The following ARHGAP28 variants were observed in gnomAD, a reference collection of about 807,000 sequenced individuals.
ARHGAP28 encodes the protein rho GTPase-activating protein 28.
In ARHGAP28, 56 loss-of-function variants were observed where a neutral mutation model predicts 90.7. The observed-to-expected ratio is 0.62, with a 90% CI of 0.50 to 0.77. The LOEUF is 0.77. ARHGAP28 is among the 30% of genes least tolerant of loss of function. The pLI is 0.00. For missense variants in ARHGAP28, 869 were observed against 900.9 expected, an observed-to-expected ratio of 0.96 and a Z score of 0.45; for synonymous variants, 308 against 323.3, an observed-to-expected ratio of 0.95 and a Z score of 0.51.
intron 1 of ARHGAP28, among the ~76,000 whole-genome samples, chr18:6,730,745 A>G (rs2143090753): frequency 6.6e-6 from 1 of 152,338 alleles, no homozygotes; most frequent in Non-Finnish European, 1.5e-5. Flanking sequence ...ATGGTTAGAT[A>G]TTTGATACAT....
chr18:6,735,220 C>T lies in ARHGAP28; in HGVS notation c.122+5277C>T, dbSNP rs373821050. Among the ~76,000 whole-genome samples, 13 of 152,324 alleles carry T rather than the reference C, an allele frequency of 8.5e-5. 2 individuals carry two copies. Among genetic ancestry groups the T allele is most frequent in the South Asian group, 2.1e-4 (1 of 4,830 alleles). ...GTAGTCCAGAAAGTTTCTGCTTCTGCGTAACCTTTACCCAGATTCCCCAAA... is the reference window on the plus strand; with the variant it reads ...GTAGTCCAGAAAGTTTCTGCTTCTGTGTAACCTTTACCCAGATTCCCCAAA... On this transcript the variant is annotated intron_variant, in intron 1 of 17. Coordinates refer to ENST00000383472, the MANE Select transcript of ARHGAP28 (RefSeq NM_001366230.1).
At chr18:6,904,672 T>A (rs964831915) in intron 16 of ARHGAP28, among the ~76,000 whole-genome samples, 4 of 151,988 alleles carry the variant, frequency 2.6e-5, no homozygotes, top group African/African-American at 9.7e-5. Flanking sequence ...AACAATAAAA[T>A]TGATAAACTC....
intron 1 of ARHGAP28, among the ~76,000 whole-genome samples, chr18:6,732,512 T>C (rs371248058): frequency 2.8e-4 from 42 of 152,148 alleles, no homozygotes; most frequent in South Asian, 2.3e-3. Flanking sequence ...AAAAAAAAAT[T>C]GAAGGACCCA....
intron 3 of ARHGAP28, among the ~76,000 whole-genome samples, chr18:6,841,630 C>T (rs1017796217): frequency 2.0e-5 from 3 of 151,988 alleles, no homozygotes; most frequent in Non-Finnish European, 4.4e-5. Context: ...CTCAAAATCA[C>T]TTGACTTCAG....
chr18:6,818,514 C>A (rs2056606326), intron 1 of ARHGAP28, among the ~76,000 whole-genome samples: 1 of 151,858 alleles, frequency 6.6e-6, no homozygotes, highest in Non-Finnish European at 1.5e-5. Context: ...GGAAAATAGA[C>A]CCCCCCAAAA....
chr18:6,768,082 A>G (rs2056213744), intron 1 of ARHGAP28, among the ~76,000 whole-genome samples: 1 of 152,044 alleles, frequency 6.6e-6, no homozygotes, highest in African/African-American at 2.4e-5. Flanking sequence ...CAGTTGATTA[A>G]TGTGCTAATA....
intron 16 of ARHGAP28, 137 bp downstream of exon 16, chr18:6,896,763 G>A (rs752828874): frequency 6.8e-5 from 69 of 1,019,058 alleles, no homozygotes; most frequent in Non-Finnish European, 8.5e-5. Context: ...AGTGGATTAC[G>A]AGAATAAAAA....
chr18:6,730,091 C>T, intron 1 of ARHGAP28, 148 bp downstream of exon 1: 1 of 826,960 alleles, frequency 1.2e-6, no homozygotes, highest in Non-Finnish European at 1.7e-6. Context: ...GCCTGGGGTT[C>T]TTTGCATTGT....
intron 1 of ARHGAP28, among the ~76,000 whole-genome samples, chr18:6,807,470 T>C (rs2056527078): frequency 6.6e-6 from 1 of 152,212 alleles, no homozygotes; most frequent in African/African-American, 2.4e-5. Flanking sequence ...GAAAACTATT[T>C]GATCCTTTCA....
intron 1 of ARHGAP28, chr18:6,790,904 C>G (rs1357960569): frequency 6.6e-6 from 1 of 152,020 alleles, no homozygotes; most frequent in Non-Finnish European, 1.5e-5. Flanking sequence ...GTCTGTAGAT[C>G]CATTACTCAG....
intron 9 of ARHGAP28, 52 bp downstream of exon 9, chr18:6,873,827 T>A (rs747541199): frequency 6.8e-7 from 1 of 1,473,044 alleles, no homozygotes; most frequent in Admixed American, 1.8e-5. Flanking sequence ...TGCTTATGAT[T>A]TGGCACTTTG....
rs1396459979 is a variant in ARHGAP28 at position 6,898,342 on chromosome 18, A to G, written c.2030+1716A>G. The G allele has an allele frequency of 1.2e-5, 7 of 604,702 alleles. No homozygotes were observed. In the African/African-American group the frequency reaches 1.3e-4, roughly 12 times the overall value. The allele number at this position is 604,702 out of a possible 1,614,324, so 37.5% of individuals were successfully genotyped here. A position where few individuals can be genotyped will look rare whatever the true frequency, so the allele number is the denominator to read the frequency against. The stretch of plus-strand genomic sequence containing the variant: ...TATATGATGTGTTCACTTTGTGAAA[A>G]TTCATCAAGTTGTATACTTCTGACT... On this transcript the variant is annotated intron_variant, in intron 16 of 17. Transcript: ENST00000383472.
intron 16 of ARHGAP28, among the ~76,000 whole-genome samples, chr18:6,907,436 G>T (rs936724814): frequency 1.3e-5 from 2 of 150,440 alleles, no homozygotes; most frequent in African/African-American, 4.9e-5. Flanking sequence ...ACAGGTGAGT[G>T]ACTACAGAAA....
intron 11 of ARHGAP28, among the ~76,000 whole-genome samples, chr18:6,886,144 A>T (rs1215008066): frequency 6.6e-6 from 1 of 152,144 alleles, no homozygotes; most frequent in African/African-American, 2.4e-5. Context: ...CTAGCTTGTC[A>T]CAAGTGTTTC....
At chr18:6,896,687 C>T in intron 16 of ARHGAP28, 61 bp downstream of exon 16, 1 of 1,584,688 alleles carries the variant, frequency 6.3e-7, no homozygotes, top group Non-Finnish European at 8.6e-7. Flanking sequence ...AGATGAATAA[C>T]TTTCTAGGCA....
intron 16 of ARHGAP28, among the ~76,000 whole-genome samples, chr18:6,899,863 GC>G (rs2057329142): frequency 6.6e-6 from 1 of 152,096 alleles, no homozygotes; most frequent in Non-Finnish European, 1.5e-5. Flanking sequence ...GTACCAGTAA[GC>G]CCCAGTGGGG....
At chr18:6,839,544 G>T (rs532679329) in intron 3 of ARHGAP28, among the ~76,000 whole-genome samples, 1 of 152,080 alleles carries the variant, frequency 6.6e-6, no homozygotes, top group Non-Finnish European at 1.5e-5. Flanking sequence ...TGATCCGCCT[G>T]CCTCGGCCTC....
chr18:6,835,448 CAATT>C (rs1266776760), intron 2 of ARHGAP28, among the ~76,000 whole-genome samples: 2 of 152,036 alleles, frequency 1.3e-5, no homozygotes, highest in Non-Finnish European at 2.9e-5. Flanking sequence ...AGCAAATGAA[CAATT>C]AAGATAGCAA....
intron 1 of ARHGAP28, among the ~76,000 whole-genome samples, chr18:6,753,921 T>C (rs1027117727): frequency 1.8e-4 from 28 of 152,354 alleles, no homozygotes; most frequent in South Asian, 1.7e-3. Context: ...TTTTTGTGAC[T>C]AGGATTTGCT....
Sources: allele counts gnomAD v4.1 joint callset (sites outside exome capture counted in the v4.1 genomes callset), GRCh38; gene constraint gnomAD v4.1.1; transcripts MANE v1.5; gene names NCBI Gene and HGNC (gene_info 2026-07-23, HGNC 2026-07-21).